Variants in PSMD5 observed in about 807,000 individuals in gnomAD.
The protein encoded by PSMD5 is proteasome 26S subunit, non-ATPase 5.
A neutral mutation model predicts 52.1 loss-of-function variants in PSMD5; 40 were observed. The observed-to-expected ratio is 0.77, with a 90% confidence interval of 0.60 to 1.00. The LOEUF (loss-of-function observed/expected upper bound fraction) is 1.00. Ranked by LOEUF, PSMD5 falls within the 50% of genes least tolerant of loss-of-function variation. The pLI is 0.00. For synonymous variants in PSMD5, 211 were observed against 226.6 expected (o/e 0.93, Z 0.62); for missense variants, 575 against 605.2 (o/e 0.95, Z 0.52).
At chr9:120,842,113 T>C (rs1350723978) in intron 1 of PSMD5, 1 of 152,620 alleles carries the variant, frequency 6.6e-6, no homozygotes, top group Non-Finnish European at 1.5e-5. Context: ...GGTTTCCCCC[T>C]AAACGCTTTT....
At chr9:120,840,434 A>C (rs572608397) in intron 1 of PSMD5, among the ~76,000 whole-genome samples, 1 of 148,598 alleles carries the variant, frequency 6.7e-6, no homozygotes, top group African/African-American at 2.5e-5. Context: ...AAGTGTTTTT[A>C]TTATTATTAT....
intron 6 of PSMD5, 69 bp downstream of exon 6, chr9:120,826,696 C>A: frequency 6.5e-7 from 1 of 1,529,566 alleles, no homozygotes. Context: ...TACCCCAACC[C>A]CCTGATGTCA....
At chr9:120,823,604 C>T (rs947859530) in intron 7 of PSMD5, among the ~76,000 whole-genome samples, 5 of 151,216 alleles carry the variant, frequency 3.3e-5, no homozygotes, top group Non-Finnish European at 5.9e-5. Flanking sequence ...CTCCACCTGC[C>T]AGGTTCAAGA....
chr9:120,837,911 G>A (rs150907697), intron 1 of PSMD5, among the ~76,000 whole-genome samples: 19 of 152,324 alleles, frequency 1.2e-4, no homozygotes, highest in African/African-American at 4.3e-4. Context: ...TCATACAATG[G>A]ACTTACACTC....
rs753250675 is a variant in PSMD5 at position 120,829,216 on chromosome 9, A to G, written c.562-8T>C. Reference sequence around the variant, plus strand: ...AGAAATCTCTATAATTAGCTGAAATAAAAAAAAAAACACAGAAAAAAGAAA... The same window carrying G: ...AGAAATCTCTATAATTAGCTGAAATGAAAAAAAAAACACAGAAAAAAGAAA... On this transcript the variant is annotated splice_polypyrimidine_tract_variant and splice_region_variant and intron_variant, in intron 4 of 9. Transcript: ENST00000210313. 18 of 989,224 alleles carry G rather than the reference A, an allele frequency of 1.8e-5. No individual in the cohort carries two copies. In the East Asian group the frequency reaches 6.7e-4, roughly 37 times the overall value. The allele number at this position is 989,224 out of a possible 1,614,324, so 61.3% of individuals were successfully genotyped here.
At position 120,842,726 on chromosome 9, in the gene PSMD5, G is replaced by T. The variant is rs938418215; in HGVS notation, c.173+11C>A. ...CCCTCTCCTCGGCTCAAGCCCCCGG[G>T]GTCCTCTCACCTATGGTTCTCGTTA... is the stretch of plus-strand genomic sequence containing the variant. On this transcript the variant is annotated intron_variant, in intron 1 of 9. Coordinates refer to ENST00000210313, the MANE Select transcript of PSMD5 (RefSeq NM_005047.4). The T allele has an allele frequency of 2.5e-6, 4 of 1,613,076 alleles. No individual in the cohort carries two copies. The highest frequency in any genetic ancestry group is 1.7e-5 in the Admixed American group (1 of 60,004).
chr9:120,823,342 G>A (rs999423275), intron 7 of PSMD5, among the ~76,000 whole-genome samples: 9 of 151,122 alleles, frequency 6.0e-5, no homozygotes, highest in African/African-American at 2.2e-4. Flanking sequence ...CCGAGTAGCT[G>A]GGACTGCAGG....
chr9:120,842,688 T>C (rs781049968), intron 1 of PSMD5, 49 bp downstream of exon 1: 33 of 1,602,544 alleles, frequency 2.1e-5, no homozygotes, highest in Middle Eastern at 3.3e-4. Flanking sequence ...CTCATGTCCA[T>C]ATTTAGGGGT....
rs755253243 is a variant in PSMD5, at chr9:120,821,428, T to G, written c.1043A>C (p.His348Pro). 4 of 1,605,220 alleles carry G rather than the reference T, an allele frequency of 2.5e-6. No homozygotes were observed. Among genetic ancestry groups the G allele is most frequent in the Middle Eastern group, 3.3e-4 (2 of 6,026 alleles). The part of the protein sequence containing the change: ...RFERLLMRIG[H>P]QSKNAPVELK... ...CTCCACTGGGGCATTCTTTGATTGA[T>G]GTCCTATTCTCATAAGCAAGCGTTC... The change falls in exon 8 of 10, where the codon CAT (histidine) becomes CCT (proline). Residue 348 changes from histidine (H) to proline (P), a missense_variant. Physicochemically the swap from His to Pro is moderately conservative, Grantham distance 77. Transcript: ENST00000210313.
rs765635625 is a variant in PSMD5, at chr9:120,831,820, T to C, written c.432+12A>G. On this transcript the variant is annotated intron_variant, in intron 3 of 9. Transcript: ENST00000210313. ...CTCTGCACATTTAAGTCAATGATTCTAGTAGACTCACCGCTTTTGCTACAG... is the reference window on the plus strand; with the variant it reads ...CTCTGCACATTTAAGTCAATGATTCCAGTAGACTCACCGCTTTTGCTACAG... 4 of 1,610,784 alleles carry C rather than the reference T, an allele frequency of 2.5e-6. No homozygotes were observed. In the Admixed American group the frequency reaches 6.7e-5, roughly 27 times the overall value.
intron 7 of PSMD5, 65 bp downstream of exon 7, chr9:120,824,429 G>C: frequency 6.6e-7 from 1 of 1,513,706 alleles, no homozygotes. Flanking sequence ...ACCAGCAAAT[G>C]AACTTACATA....
rs571845977 is a variant in PSMD5, at chr9:120,816,642, G to T, written c.*1264C>A. 6.6e-6 allele frequency: 1 copy of T among 152,138 alleles called. No homozygotes were observed. The highest frequency in any genetic ancestry group is 1.5e-5 in the Non-Finnish European group (1 of 68,032). The allele number at this position is 152,138 out of a possible 1,614,324, so 9.4% of individuals were successfully genotyped here. On this transcript the variant is annotated 3_prime_UTR_variant, in exon 10 of 10. Coordinates refer to ENST00000210313, the MANE Select transcript of PSMD5 (RefSeq NM_005047.4). ...AGGGGTGGTTTATCAACTTCACCAC[G>T]GCCTAAAAGAAATATGCTCATGCAT...
At chr9:120,828,510 C>T (rs2045138715) in intron 5 of PSMD5, among the ~76,000 whole-genome samples, 1 of 150,582 alleles carries the variant, frequency 6.6e-6, no homozygotes, top group Non-Finnish European at 1.5e-5. Flanking sequence ...GTGGTGCAAC[C>T]TCCACCTCCC....
intron 1 of PSMD5, among the ~76,000 whole-genome samples, chr9:120,840,672 T>C (rs1189173033): frequency 6.7e-6 from 1 of 148,988 alleles, no homozygotes; most frequent in Non-Finnish European, 1.5e-5. Flanking sequence ...CAGGCTGAAG[T>C]GCAGTGGAGC....
Position 120,829,225 on chromosome 9 carries a change from A to AAG in PSMD5, c.562-18_562-17insCT. ...TATAATTAGCTGAAATAAAAAAAAA[A>AAG]ACACAGAAAAAAGAAAAAGGTCAAA... On this transcript the variant is annotated splice_polypyrimidine_tract_variant and intron_variant, in intron 4 of 9. Transcript: ENST00000210313. The AAG allele has an allele frequency of 1.3e-6, 2 of 1,565,972 alleles. No homozygotes were observed. Among genetic ancestry groups the AAG allele is most frequent in the Non-Finnish European group, 1.7e-6 (2 of 1,161,066 alleles).
At chr9:120,834,011 G>A (rs1238085361) in intron 1 of PSMD5, among the ~76,000 whole-genome samples, 2 of 119,288 alleles carry the variant, frequency 1.7e-5, no homozygotes, top group Non-Finnish European at 3.2e-5. Flanking sequence ...ACAGAGTCTC[G>A]CTCTGTTGCC....
rs981319701 is a variant in PSMD5, at chr9:120,816,546, G to C, written c.*1360C>G. ...AAACACACACAAAAAACAGAGTCAC[G>C]TTGCCAGGGGAGATGATCAATCTGG... On this transcript the variant is annotated 3_prime_UTR_variant, in exon 10 of 10. Coordinates refer to ENST00000210313, the MANE Select transcript of PSMD5 (RefSeq NM_005047.4). The C allele has an allele frequency of 6.6e-6, 1 of 152,188 alleles. No individual in the cohort carries two copies. Among genetic ancestry groups the C allele is most frequent in the Non-Finnish European group, 1.5e-5 (1 of 68,036 alleles). The allele number at this position is 152,188 out of a possible 1,614,324, so 9.4% of individuals were successfully genotyped here.
At chr9:120,820,139 C>A (rs536774375) in intron 9 of PSMD5, among the ~76,000 whole-genome samples, 1 of 152,224 alleles carries the variant, frequency 6.6e-6, no homozygotes, top group East Asian at 1.9e-4. Flanking sequence ...AAATAGAACA[C>A]AAAGGTATAA....
Position 120,817,808 on chromosome 9 carries a change from G to C in PSMD5, c.*98C>G. 7.8e-7 allele frequency: 1 copy of C among 1,289,398 alleles called. No homozygotes were observed. Among genetic ancestry groups the C allele is most frequent in the African/African-American group, 1.5e-5 (1 of 67,240 alleles). 79.9% of individuals were successfully genotyped at this position (1,289,398 alleles called of 1,614,324 possible). A position where few individuals can be genotyped will look rare whatever the true frequency, so the allele number is the denominator to read the frequency against. On this transcript the variant is annotated 3_prime_UTR_variant, in exon 10 of 10. Coordinates refer to ENST00000210313, the MANE Select transcript of PSMD5 (RefSeq NM_005047.4). ...CATCTGACATTCCATGATAATTCTT[G>C]GGGAAAGGAAGTCTCTTTTGTGAAA...
Sources: allele counts gnomAD v4.1 joint callset (sites outside exome capture counted in the v4.1 genomes callset), GRCh38; gene constraint gnomAD v4.1.1; transcripts MANE v1.5; gene names NCBI Gene and HGNC (gene_info 2026-07-23, HGNC 2026-07-21).